MYO3A: variants seen among roughly 807,000 people sequenced by gnomAD.
MYO3A encodes myosin IIIA.
In MYO3A, 180 loss-of-function variants were observed where a neutral mutation model predicts 192.7. The ratio of observed to expected loss-of-function variants is 0.93; its 90% CI spans 0.83 to 1.06. MYO3A has a LOEUF of 1.06. Ranked by LOEUF, MYO3A falls within the 50% of genes least tolerant of loss-of-function variation. MYO3A has a pLI of 0.00. For missense variants in MYO3A, 1,896 were observed against 1,905.0 expected, an observed-to-expected ratio of 1.00 and a Z score of 0.09; for synonymous variants, 628 against 645.3, an observed-to-expected ratio of 0.97 and a Z score of 0.41.
intron 25 of MYO3A, 81 bp downstream of exon 25, chr10:26,154,904 T>A: frequency 8.8e-7 from 1 of 1,138,722 alleles, no homozygotes; most frequent in Non-Finnish European, 1.3e-6. Flanking sequence ...CCAGTAACAC[T>A]AGCAAAGAGA....
At chr10:26,171,615 A>G (rs934132141) in intron 29 of MYO3A, among the ~76,000 whole-genome samples, 1 of 152,126 alleles carries the variant, frequency 6.6e-6, no homozygotes, top group Non-Finnish European at 1.5e-5. Flanking sequence ...TGAGACCTAT[A>G]TATATGCTCT....
At chr10:26,145,386 C>A (rs1051594872) in intron 21 of MYO3A, 60 bp from the exon 22 acceptor site, 4 of 1,150,138 alleles carry the variant, frequency 3.5e-6, no homozygotes, top group Non-Finnish European at 5.3e-6. Flanking sequence ...AAATAATTTT[C>A]GCAGTATTTT....
intron 26 of MYO3A, 173 bp from the exon 27 acceptor site, chr10:26,165,894 C>A: frequency 1.4e-6 from 1 of 702,558 alleles, no homozygotes; most frequent in Non-Finnish European, 2.6e-6. Flanking sequence ...GGGTTTCCAT[C>A]AGTTTGGAAT....
intron 6 of MYO3A, among the ~76,000 whole-genome samples, chr10:26,001,346 G>C (rs1400595107): frequency 6.6e-6 from 1 of 152,116 alleles, no homozygotes; most frequent in African/African-American, 2.4e-5. Flanking sequence ...TAATCTGGCT[G>C]GAAAGTTTCT....
intron 4 of MYO3A, among the ~76,000 whole-genome samples, chr10:25,994,552 C>CATT (rs1840291670): frequency 6.6e-6 from 1 of 151,816 alleles, no homozygotes; most frequent in African/African-American, 2.4e-5. Flanking sequence ...TTGATCCTGT[C>CATT]ATGATGTTAG....
intron 32 of MYO3A, among the ~76,000 whole-genome samples, chr10:26,199,623 T>C (rs1843587585): frequency 6.6e-6 from 1 of 151,692 alleles, no homozygotes; most frequent in African/African-American, 2.4e-5. Flanking sequence ...GTGAAAGATG[T>C]CTGGACAATA....
At chr10:25,979,877 A>T (rs1472204298) in intron 4 of MYO3A, among the ~76,000 whole-genome samples, 1 of 152,220 alleles carries the variant, frequency 6.6e-6, no homozygotes, top group Non-Finnish European at 1.5e-5. Flanking sequence ...ACAGTAAAAC[A>T]TATTTTCAAA....
intron 4 of MYO3A, among the ~76,000 whole-genome samples, chr10:25,960,440 G>A (rs555271007): frequency 4.3e-4 from 66 of 152,120 alleles, no homozygotes; most frequent in African/African-American, 1.6e-3. Flanking sequence ...CTGAAAAATC[G>A]AAGTGTAAAT....
Position 26,069,554 on chromosome 10 carries a change from G to C in MYO3A, c.1171-557G>C, listed in dbSNP as rs552955150. Among the ~76,000 whole-genome samples the C allele has an allele frequency of 7.4e-4, 112 of 152,062 alleles. 1 individual carries two copies. Among genetic ancestry groups the C allele is most frequent in the Middle Eastern group, 6.8e-3 (2 of 294 alleles). On this transcript the variant is annotated intron_variant, in intron 12 of 34. Transcript: ENST00000642920. ...TTGTGTGTGAAAAGTACATATCTCTGTCATCTTTTGCCATCCTAAAATTTA... is the reference window on the plus strand; with the variant it reads ...TTGTGTGTGAAAAGTACATATCTCTCTCATCTTTTGCCATCCTAAAATTTA...
chr10:26,125,290 C>A, intron 18 of MYO3A, 108 bp from the exon 19 acceptor site: 1 of 948,554 alleles, frequency 1.1e-6, no homozygotes, highest in Non-Finnish European at 1.7e-6. Flanking sequence ...ATAATCTCCA[C>A]ACATTTAATT....
Position 26,211,947 on chromosome 10 carries a change from T to TCGTCCAGCAGTCCTAAC in MYO3A, c.4839_*4dup. The TCGTCCAGCAGTCCTAAC allele has an allele frequency of 6.2e-7, 1 of 1,613,900 alleles. No homozygotes were observed. The highest frequency in any genetic ancestry group is 8.5e-7 in the Non-Finnish European group (1 of 1,179,956). On this transcript the variant is annotated stop_gained and frameshift_variant, in exon 35 of 35. Coordinates refer to ENST00000642920, the MANE Select transcript of MYO3A (RefSeq NM_017433.5). LOFTEE classifies it high-confidence loss of function. Reference sequence around the variant, plus strand: ...CGCAAAACCTCCCAGCGCCGGCGCCTCGTCCAGCAGTCCTAACCGTTCAAC... The same window carrying TCGTCCAGCAGTCCTAAC: ...CGCAAAACCTCCCAGCGCCGGCGCCTCGTCCAGCAGTCCTAACCGTCCAGCAGTCCTAACCGTTCAAC...
intron 6 of MYO3A, among the ~76,000 whole-genome samples, chr10:26,016,494 TA>T (rs1166888633): frequency 1.3e-5 from 2 of 152,154 alleles, no homozygotes; most frequent in Non-Finnish European, 2.9e-5. Flanking sequence ...ACAAAATATG[TA>T]AAATCGTTTA....
Position 26,203,185 on chromosome 10 carries a change from A to G in MYO3A, c.4730+78A>G, listed in dbSNP as rs543860429. The G allele has an allele frequency of 5.1e-5, 73 of 1,445,544 alleles. 1 individual carries two copies. The African/African-American group carries it at 7.9e-4, about 16-fold the overall frequency. The allele number at this position is 1,445,544 out of a possible 1,614,324, so 89.5% of individuals were successfully genotyped here. A position where few individuals can be genotyped will look rare whatever the true frequency, so the allele number is the denominator to read the frequency against. ...CATTTCTTAAGATATTTCACTTTAT[A>G]TATAGATGAATGACAAAGCACTCTT... On this transcript the variant is annotated intron_variant, in intron 34 of 34. Transcript: ENST00000642920.
chr10:25,978,681 A>G (rs976632277), intron 4 of MYO3A, among the ~76,000 whole-genome samples: 2 of 152,218 alleles, frequency 1.3e-5, no homozygotes, highest in Non-Finnish European at 2.9e-5. Context: ...TAAGAATATT[A>G]CAGAATATAG....
rs1449681193 is a variant in MYO3A, at chr10:26,008,237, A to C, written c.509-8583A>C. Among the ~76,000 whole-genome samples, 3 of 147,842 alleles carry C rather than the reference A, an allele frequency of 2.0e-5. 1 individual carries two copies. Among genetic ancestry groups the C allele is most frequent in the Admixed American group, 6.7e-5 (1 of 14,954 alleles). The stretch of plus-strand genomic sequence containing the variant: ...CACCTTATACAAAAATTAATTCAAG[A>C]TGGATTAAAGACTTAACCATTAGAC... On this transcript the variant is annotated intron_variant, in intron 6 of 34. Transcript: ENST00000642920.
intron 10 of MYO3A, among the ~76,000 whole-genome samples, chr10:26,054,104 G>T (rs1044924121): frequency 1.3e-5 from 2 of 151,896 alleles, no homozygotes; most frequent in Non-Finnish European, 2.9e-5. Context: ...GAAGCAATGG[G>T]GTGGGTGTGG....
intron 17 of MYO3A, among the ~76,000 whole-genome samples, chr10:26,107,344 G>A (rs1002101047): frequency 2.0e-5 from 3 of 151,962 alleles, no homozygotes; most frequent in Non-Finnish European, 2.9e-5. Context: ...AGCCAGGCGT[G>A]GTGGCAGGCG....
At position 25,973,771 on chromosome 10, in the gene MYO3A, CT is replaced by C. The variant is rs1838804839; in HGVS notation, c.303+18764del. On this transcript the variant is annotated intron_variant, in intron 4 of 34. Coordinates refer to ENST00000642920, the MANE Select transcript of MYO3A (RefSeq NM_017433.5). ...TAGATCAATGGAACAGAACAGACAC[CT>C]AAGAAATAACACCACACATGTACAA... 2.0e-5 allele frequency among the ~76,000 whole-genome samples: 3 copies of C among 152,030 alleles called. No homozygotes were observed. The South Asian group carries it at 6.2e-4, about 32-fold the overall frequency.
intron 18 of MYO3A, among the ~76,000 whole-genome samples, chr10:26,121,215 G>T (rs192568408): frequency 1.3e-5 from 2 of 150,164 alleles, no homozygotes; most frequent in African/African-American, 4.9e-5. Context: ...TTCATCCTGG[G>T]TTGATTAATT....
Sources: allele counts gnomAD v4.1 joint callset (sites outside exome capture counted in the v4.1 genomes callset), GRCh38; gene constraint gnomAD v4.1.1; transcripts MANE v1.5; gene names NCBI Gene and HGNC (gene_info 2026-07-23, HGNC 2026-07-21).